POLA1: variants seen among roughly 807,000 people sequenced by gnomAD.
The protein encoded by POLA1 is DNA polymerase alpha catalytic subunit.
In POLA1, 15 loss-of-function variants were observed where a neutral mutation model predicts 124.0. That is an observed-to-expected ratio of 0.12 (90% CI 0.08 to 0.19). The LOEUF is 0.19. Ranked by LOEUF, POLA1 falls within the 10% of genes least tolerant of loss-of-function variation. POLA1 has a pLI of 1.00. For missense variants in POLA1, 886 were observed against 1,103.4 expected (o/e 0.80, Z 2.79); for synonymous variants, 408 against 389.4 (o/e 1.05, Z -0.56).
intron 26 of POLA1, among the ~76,000 whole-genome samples, chrX:24,773,917 G>A (rs2045087954): frequency 8.9e-6 from 1 of 111,964 alleles, no homozygotes; most frequent in Admixed American, 9.5e-5. Flanking sequence ...TTTATTGATA[G>A]GAATTAGTGA....
chrX:24,705,535 C>T (rs972032777), intron 4 of POLA1, among the ~76,000 whole-genome samples: 1 of 111,734 alleles, frequency 8.9e-6, no homozygotes, highest in African/African-American at 3.3e-5. Context: ...TACCTGACTA[C>T]TTAACCACAA....
intron 36 of POLA1, among the ~76,000 whole-genome samples, chrX:24,965,693 G>A (rs1282968317): frequency 1.8e-5 from 2 of 112,386 alleles, no homozygotes; most frequent in African/African-American, 6.5e-5. Context: ...GAAATACACA[G>A]ATATATAAAT....
intron 36 of POLA1, among the ~76,000 whole-genome samples, chrX:24,981,318 A>G (rs370947201): frequency 8.9e-6 from 1 of 111,948 alleles, no homozygotes; most frequent in African/African-American, 3.2e-5. Flanking sequence ...AGATTCCCCA[A>G]AGTCAGGAAG....
chrX:24,800,242 G>A (rs759076820), intron 26 of POLA1, among the ~76,000 whole-genome samples: 2 of 111,775 alleles, frequency 1.8e-5, no homozygotes, highest in Non-Finnish European at 3.8e-5. Context: ...ACGGTGAATT[G>A]GAGCATCCTC....
chrX:24,718,721 G>A (rs1422710649), intron 10 of POLA1, among the ~76,000 whole-genome samples: 1 of 87,398 alleles, frequency 1.1e-5, no homozygotes, highest in East Asian at 2.8e-4. Flanking sequence ...GCACACACAC[G>A]TGGAGGGATG....
intron 20 of POLA1, among the ~76,000 whole-genome samples, chrX:24,740,894 A>T (rs1931595994): frequency 9.0e-6 from 1 of 111,488 alleles, no homozygotes; most frequent in Admixed American, 9.6e-5. Flanking sequence ...ACATTATATA[A>T]CATACTATAT....
intron 36 of POLA1, among the ~76,000 whole-genome samples, chrX:24,937,160 G>A (rs1053362660): frequency 1.8e-5 from 2 of 111,648 alleles, no homozygotes; most frequent in Non-Finnish European, 3.8e-5. Context: ...TTATAAAGAA[G>A]TGATTGTAGA....
chrX:24,742,169 C>CT, intron 22 of POLA1, 48 bp downstream of exon 22: 1 of 826,623 alleles, frequency 1.2e-6, no homozygotes, highest in East Asian at 4.8e-5. Flanking sequence ...ACCCCCCCCC[C>CT]CCTTTTAATA....
At chrX:24,760,949 G>A (rs1420998874) in intron 26 of POLA1, among the ~76,000 whole-genome samples, 1 of 111,739 alleles carries the variant, frequency 8.9e-6, no homozygotes, top group Non-Finnish European at 1.9e-5. Flanking sequence ...TGTTAATTTT[G>A]TGGTTGAATT....
intron 34 of POLA1, among the ~76,000 whole-genome samples, chrX:24,885,627 C>T (rs970984649): frequency 1.9e-4 from 21 of 111,059 alleles, no homozygotes; most frequent in South Asian, 7.7e-4. Context: ...CTCCGTCTCC[C>T]GGGTTCAAGC....
Position 24,916,293 on chromosome X carries a change from T to TC in POLA1, c.4165-14160_4165-14159insC, listed in dbSNP as rs200446453. Among the ~76,000 whole-genome samples, 24 of 106,925 alleles carry TC rather than the reference T, an allele frequency of 2.2e-4. No homozygotes were observed. In the East Asian group the frequency reaches 6.9e-3, roughly 31 times the overall value. 92.9% of individuals were successfully genotyped at this position (106,925 alleles called of 115,157 possible). A position where few individuals can be genotyped will look rare whatever the true frequency, so the allele number is the denominator to read the frequency against. Reference sequence around the variant, plus strand: ...AACTTTTTTTTTCTTTTTTCTTTTTTTTTTTTTTGAGGCAGTCTCGCTGTG... The same window carrying TC: ...AACTTTTTTTTTCTTTTTTCTTTTTTCTTTTTTTTGAGGCAGTCTCGCTGTG... On this transcript the variant is annotated intron_variant, in intron 35 of 36. Coordinates refer to ENST00000379068, the MANE Select transcript of POLA1 (RefSeq NM_001330360.2).
intron 36 of POLA1, among the ~76,000 whole-genome samples, chrX:24,994,612 G>A (rs1312006370): frequency 9.0e-6 from 1 of 111,730 alleles, no homozygotes; most frequent in African/African-American, 3.3e-5. Context: ...GTGGCAGGGG[G>A]AGTGGGCAGA....
At chrX:24,894,187 G>T (rs181788798) in intron 35 of POLA1, among the ~76,000 whole-genome samples, 1,127 of 112,183 alleles carry the variant, frequency 0.01, 8 homozygotes, top group Non-Finnish European at 0.015. Flanking sequence ...GCTCTCACTA[G>T]CACTAGTATG....
At chrX:24,732,207 A>G (rs964617700) in intron 15 of POLA1, among the ~76,000 whole-genome samples, 163 bp from the exon 16 acceptor site, 2 of 112,152 alleles carry the variant, frequency 1.8e-5, no homozygotes, top group Non-Finnish European at 3.8e-5. Flanking sequence ...CACCCGCCTC[A>G]GCCTCTCAGA....
intron 28 of POLA1, among the ~76,000 whole-genome samples, chrX:24,812,227 T>A (rs1298707135): frequency 1.8e-5 from 2 of 112,860 alleles, no homozygotes; most frequent in African/African-American, 6.4e-5. Context: ...AACATTATTT[T>A]AATAGTCAAA....
intron 36 of POLA1, among the ~76,000 whole-genome samples, chrX:24,941,692 G>A (rs1206174086): frequency 8.9e-6 from 1 of 112,223 alleles, no homozygotes; most frequent in Non-Finnish European, 1.9e-5. Context: ...AGATCCATCT[G>A]CATTCTCTTA....
chrX:24,703,371 G>C (rs767226286), intron 3 of POLA1, 24 bp downstream of exon 3: 1 of 1,016,165 alleles, frequency 9.8e-7, no homozygotes, highest in Non-Finnish European at 1.4e-6. Flanking sequence ...AGGTGGGGGC[G>C]GGGATGTTGC....
At chrX:24,841,228 G>T (rs756317265) in intron 32 of POLA1, among the ~76,000 whole-genome samples, 2 of 112,120 alleles carry the variant, frequency 1.8e-5, no homozygotes, top group Middle Eastern at 4.6e-3. Context: ...TTGAAATCAG[G>T]GTTAGCTGTG....
At chrX:24,741,231 T>C in intron 20 of POLA1, 144 bp from the exon 21 acceptor site, 1 of 420,290 alleles carries the variant, frequency 2.4e-6, no homozygotes, top group Non-Finnish European at 4.1e-6. Context: ...ACTGACCTTA[T>C]TTTAAATTGT....
Sources: gnomAD v4.1 joint callset for allele counts (sites outside exome capture counted in the v4.1 genomes callset) on GRCh38, gnomAD v4.1.1 for gene constraint, MANE v1.5 for transcripts, NCBI Gene and HGNC (gene_info 2026-07-23, HGNC 2026-07-21) for gene names.